UNC13C: variants seen among roughly 807,000 people sequenced by gnomAD.
The protein encoded by UNC13C is protein unc-13 homolog C.
A neutral mutation model predicts 245.4 loss-of-function variants in UNC13C; 174 were observed. That is an observed-to-expected ratio of 0.71 (90% CI 0.63 to 0.80). The LOEUF (loss-of-function observed/expected upper bound fraction) is 0.80. Among genes scored for constraint, UNC13C ranks in the 30% least tolerant of loss-of-function variants. UNC13C has a pLI of 0.00. For synonymous variants in UNC13C, 992 were observed against 895.1 expected (o/e 1.11, Z -1.93); for missense variants, 2,829 against 2,602.9 (o/e 1.09, Z -1.89).
At chr15:54,409,269 A>ATAT (rs1411483193) in intron 18 of UNC13C, among the ~76,000 whole-genome samples, 1 of 29,928 alleles carries the variant, frequency 3.3e-5, no homozygotes, top group Non-Finnish European at 7.2e-5. Context: ...CATGTTAATA[A>ATAT]TATGTTCCTT....
intron 2 of UNC13C, among the ~76,000 whole-genome samples, chr15:54,109,269 T>TCC (rs1900627308): frequency 2.4e-5 from 2 of 81,972 alleles, no homozygotes; most frequent in Non-Finnish European, 5.0e-5. Flanking sequence ...CCTTTCCCTC[T>TCC]CCTCCCCTCC....
chr15:54,236,483 A>G, intron 6 of UNC13C, 48 bp downstream of exon 6: 8 of 1,475,332 alleles, frequency 5.4e-6, no homozygotes, highest in East Asian at 2.3e-5. Flanking sequence ...GTCTTCTCAA[A>G]CATACACTGC....
At chr15:54,073,790 A>G (rs1293888213) in intron 2 of UNC13C, among the ~76,000 whole-genome samples, 1 of 152,154 alleles carries the variant, frequency 6.6e-6, no homozygotes, top group Non-Finnish European at 1.5e-5. Flanking sequence ...CCTTTGTCAG[A>G]TGGATAGATT....
chr15:54,359,475 C>T (rs1349816422), intron 17 of UNC13C, among the ~76,000 whole-genome samples: 1 of 151,884 alleles, frequency 6.6e-6, no homozygotes, highest in African/African-American at 2.4e-5. Flanking sequence ...AGGTCCTGGA[C>T]TCTTCTTTGA....
At chr15:53,904,950 G>C in the UNC13C span, among the ~76,000 whole-genome samples, 1 of 152,096 alleles carries the variant, frequency 6.6e-6, no homozygotes, top group Non-Finnish European at 1.5e-5. Flanking sequence ...GTAAGTGTTG[G>C]ATATGTTTTT....
chr15:53,998,136 T>A (rs1894718631), intron 1 of UNC13C, among the ~76,000 whole-genome samples: 1 of 152,138 alleles, frequency 6.6e-6, no homozygotes, highest in Admixed American at 6.6e-5. Flanking sequence ...GTTTTAAGTA[T>A]TCTAGAATCT....
intron 30 of UNC13C, among the ~76,000 whole-genome samples, chr15:54,574,860 G>C (rs1897892434): frequency 6.6e-6 from 1 of 152,044 alleles, no homozygotes; most frequent in Admixed American, 6.6e-5. Context: ...TGCTGAAGTA[G>C]AGTATAATGT....
At chr15:54,470,812 T>C (rs1892423456) in intron 19 of UNC13C, among the ~76,000 whole-genome samples, 1 of 151,342 alleles carries the variant, frequency 6.6e-6, no homozygotes, top group Admixed American at 6.6e-5. Flanking sequence ...ATCCTTGTTT[T>C]TTAGTTACTT....
intron 30 of UNC13C, among the ~76,000 whole-genome samples, chr15:54,592,642 C>T (rs1898856590): frequency 6.6e-6 from 1 of 152,130 alleles, no homozygotes; most frequent in Admixed American, 6.6e-5. Context: ...TGTCTTTTTG[C>T]ATGAAATGCC....
intron 4 of UNC13C, among the ~76,000 whole-genome samples, chr15:54,230,565 C>G (rs912883578): frequency 1.3e-5 from 2 of 151,918 alleles, no homozygotes; most frequent in East Asian, 3.9e-4. Context: ...TTTGTATACT[C>G]TATTTTGCAT....
Position 54,338,340 on chromosome 15 carries a change from A to G in UNC13C, c.4585-21A>G, listed in dbSNP as rs138585306. 2,661 of 1,595,426 alleles carry G rather than the reference A, an allele frequency of 1.7e-3. 38 individuals are homozygous for G. Among genetic ancestry groups the G allele is most frequent in the East Asian group, 4.1e-3 (183 of 44,668 alleles). On this transcript the variant is annotated intron_variant, in intron 16 of 32. Coordinates refer to ENST00000260323, the MANE Select transcript of UNC13C (RefSeq NM_001080534.3). ...ATGTGTCACTGTTGCATTTGAGAAAATAAATGTCTGTCTTTGTCAGGTTCT... is the reference window on the plus strand; with the variant it reads ...ATGTGTCACTGTTGCATTTGAGAAAGTAAATGTCTGTCTTTGTCAGGTTCT...
intron 1 of UNC13C, among the ~76,000 whole-genome samples, chr15:53,982,248 C>T (rs937607825): frequency 1.3e-5 from 2 of 152,088 alleles, no homozygotes; most frequent in Non-Finnish European, 2.9e-5. Flanking sequence ...TGTTTCTGAG[C>T]CTTCTGGTTC....
At chr15:54,105,242 G>T (rs1003635376) in intron 2 of UNC13C, among the ~76,000 whole-genome samples, 1 of 151,994 alleles carries the variant, frequency 6.6e-6, no homozygotes, top group East Asian at 1.9e-4. Context: ...TATTCTTCCC[G>T]AGGCAGTAAC....
intron 4 of UNC13C, among the ~76,000 whole-genome samples, chr15:54,210,866 A>C (rs940043883): frequency 6.6e-6 from 1 of 152,134 alleles, no homozygotes; most frequent in Admixed American, 6.6e-5. Flanking sequence ...TTGTGGATGC[A>C]GGACACGCGG....
At chr15:54,132,128 A>G (rs36110684) in intron 2 of UNC13C, among the ~76,000 whole-genome samples, 54,219 of 138,712 alleles carry the variant, frequency 0.39, 10,077 homozygotes, top group Admixed American at 0.44. Context: ...GTGCAGTGGC[A>G]CAATCTAGGC....
chr15:54,425,721 TTTTTTCCTCTG>T (rs1351057136), intron 19 of UNC13C, among the ~76,000 whole-genome samples: 4 of 151,862 alleles, frequency 2.6e-5, no homozygotes, highest in Non-Finnish European at 4.4e-5. Context: ...TAGCCAGCTA[TTTTTTCCTCTG>T]TTTGACATAG....
At chr15:54,496,601 A>G (rs11857643) in intron 20 of UNC13C, among the ~76,000 whole-genome samples, 47,769 of 151,908 alleles carry the variant, frequency 0.31, 8,027 homozygotes, top group East Asian at 0.53. Flanking sequence ...GTGTGTATAT[A>G]TATATATATG....
chr15:53,896,665 C>T, the UNC13C span, among the ~76,000 whole-genome samples: 1 of 152,016 alleles, frequency 6.6e-6, no homozygotes, highest in Non-Finnish European at 1.5e-5. Flanking sequence ...CAACTAGTTG[C>T]TCAGCTGAAA....
chr15:54,341,692 G>T (rs1279700043), intron 17 of UNC13C, among the ~76,000 whole-genome samples: 1 of 152,128 alleles, frequency 6.6e-6, no homozygotes, highest in East Asian at 1.9e-4. Context: ...CTCTGCTCTT[G>T]TTTAAAGACA....
Sources: allele counts gnomAD v4.1 joint callset (sites outside exome capture counted in the v4.1 genomes callset), GRCh38; gene constraint gnomAD v4.1.1; transcripts MANE v1.5; gene names NCBI Gene and HGNC (gene_info 2026-07-23, HGNC 2026-07-21).